Variants in PRR33 observed in about 807,000 individuals in gnomAD.
PRR33 encodes proline-rich protein 33.
Under a neutral mutation model 0.5 loss-of-function variants are expected in PRR33, and 1 was observed. That is an observed-to-expected ratio of 2.18 (90% confidence interval 0.77 to 10.34). The LOEUF is 10.34. Ranked by LOEUF, PRR33 falls within the 30% of genes most tolerant of loss-of-function variation. PRR33 has a pLI of 0.13. For synonymous variants in PRR33, 226 were observed against 110.0 expected (o/e 2.06, Z -6.60); for missense variants, 552 against 251.8 (o/e 2.19, Z -8.07).
At chr11:1,890,282 G>A (rs1589836518) in exon 1 of PRR33, 5 of 712,412 alleles carry the variant, frequency 7.0e-6, no homozygotes, top group South Asian at 3.0e-5. Flanking sequence ...GAGCCTCGGC[G>A]GGGCGTGGGG....
the PRR33 span, among the ~76,000 whole-genome samples, chr11:1,897,076 G>T: frequency 6.6e-6 from 1 of 152,200 alleles, no homozygotes; most frequent in East Asian, 1.9e-4. This position sits in a 1 kb window ranked among gnomAD's most constrained non-coding sequence, Gnocchi z 4.0. Flanking sequence ...CGCCAGAGGG[G>T]CTGCAGCTCC....
At chr11:1,903,671 G>T in the PRR33 span, among the ~76,000 whole-genome samples, 1 of 152,120 alleles carries the variant, frequency 6.6e-6, no homozygotes, top group Non-Finnish European at 1.5e-5. Context: ...CCGCGTCCGG[G>T]ACCTAACACG....
chr11:1,889,259 G>A (rs750539867), exon 1 of PRR33: 57 of 677,694 alleles, frequency 8.4e-5, no homozygotes, highest in African/African-American at 3.0e-4. Flanking sequence ...GCTTCCGGGC[G>A]TTGAAGCGAG....
At chr11:1,894,852 C>T (rs967997492), upstream of PRR33, among the ~76,000 whole-genome samples, 2 of 152,084 alleles carry the variant, frequency 1.3e-5, no homozygotes, top group Non-Finnish European at 2.9e-5. Context: ...CGACTAGATG[C>T]CGTGGGAGGT....
At chr11:1,899,886 T>A in the PRR33 span, among the ~76,000 whole-genome samples, 1 of 151,912 alleles carries the variant, frequency 6.6e-6, no homozygotes, top group East Asian at 1.9e-4. Context: ...TTGAAGGAAA[T>A]CCCTCCAGCA....
chr11:1,903,997 G>C, the PRR33 span, among the ~76,000 whole-genome samples: 2 of 152,332 alleles, frequency 1.3e-5, no homozygotes, highest in East Asian at 3.9e-4. Flanking sequence ...ACCCAGTCCA[G>C]TTTCTGTCAC....
At chr11:1,890,232 G>T (rs1478322862) in exon 1 of PRR33, 2 of 716,488 alleles carry the variant, frequency 2.8e-6, no homozygotes, top group Admixed American at 4.0e-5. Flanking sequence ...GTGGATGATG[G>T]GGGTGTGCGG....
chr11:1,906,384 C>T, the PRR33 span, among the ~76,000 whole-genome samples: 160 of 152,258 alleles, frequency 1.1e-3, 4 homozygotes, highest in East Asian at 0.029. Context: ...TTAGCTTTAA[C>T]GTCCCACAGT....
chr11:1,908,415 A>G, the PRR33 span, among the ~76,000 whole-genome samples: 2 of 149,190 alleles, frequency 1.3e-5, no homozygotes, highest in East Asian at 4.0e-4. Context: ...TGAGAGTCAA[A>G]CTCCCTACCC....
chr11:1,915,006 C>T, the PRR33 span, among the ~76,000 whole-genome samples: 1 of 145,474 alleles, frequency 6.9e-6, no homozygotes, highest in Admixed American at 6.9e-5. Flanking sequence ...GATGATATTT[C>T]TCTGTGTGTG....
the PRR33 span, among the ~76,000 whole-genome samples, chr11:1,910,127 C>T: frequency 6.6e-6 from 1 of 152,224 alleles, no homozygotes; most frequent in African/African-American, 2.4e-5. Flanking sequence ...CCATTCTCCT[C>T]TTGGTGAATG....
At chr11:1,916,283 C>T in the PRR33 span, among the ~76,000 whole-genome samples, 1 of 152,144 alleles carries the variant, frequency 6.6e-6, no homozygotes, top group African/African-American at 2.4e-5. Context: ...CTGGACTTCA[C>T]TTTGCCATTC....
chr11:1,893,804 G>A (rs1284676837), upstream of PRR33, among the ~76,000 whole-genome samples: 1 of 151,682 alleles, frequency 6.6e-6, no homozygotes, highest in Non-Finnish European at 1.5e-5. Flanking sequence ...TAGGTGGATG[G>A]ATGAATGGAG....
At chr11:1,898,425 T>C in the PRR33 span, among the ~76,000 whole-genome samples, 8,566 of 152,048 alleles carry the variant, frequency 0.056, 438 homozygotes, top group East Asian at 0.16. Context: ...TTAGTAGAGA[T>C]AGGGTTTTGC....
the PRR33 span, among the ~76,000 whole-genome samples, chr11:1,911,942 C>G: frequency 2.2e-5 from 3 of 136,638 alleles, no homozygotes; most frequent in Admixed American, 8.1e-5. Flanking sequence ...GGGAGGATCA[C>G]TTGAGGCCTG....
At chr11:1,910,631 G>A in the PRR33 span, among the ~76,000 whole-genome samples, 3 of 152,174 alleles carry the variant, frequency 2.0e-5, no homozygotes, top group South Asian at 2.1e-4. Flanking sequence ...TCTGACCCCC[G>A]TTAACTTTCA....
chr11:1,893,576 GA>G (rs564806590), upstream of PRR33, among the ~76,000 whole-genome samples: 77 of 141,900 alleles, frequency 5.4e-4, no homozygotes, highest in African/African-American at 1.9e-3. Flanking sequence ...CAGAGGGAGA[GA>G]GGGGGGATGG....
chr11:1,913,634 C>T, the PRR33 span, among the ~76,000 whole-genome samples: 6 of 152,204 alleles, frequency 3.9e-5, no homozygotes, highest in African/African-American at 1.2e-4. Context: ...CTGAAAGGGC[C>T]GCCTTCTAGT....
At chr11:1,904,743 A>T in the PRR33 span, among the ~76,000 whole-genome samples, 2 of 151,640 alleles carry the variant, frequency 1.3e-5, no homozygotes, top group African/African-American at 4.8e-5. Flanking sequence ...TCCTGACCTC[A>T]GGTGATCCAC....
Sources: gnomAD v4.1 joint callset for allele counts (sites outside exome capture counted in the v4.1 genomes callset) on GRCh38, gnomAD v4.1.1 for gene constraint, Gnocchi (gnomAD v3.1) non-coding constraint, MANE v1.5 for transcripts, NCBI Gene and HGNC (gene_info 2026-07-23, HGNC 2026-07-21) for gene names.